NETO2: variants seen among roughly 807,000 people sequenced by gnomAD.
NETO2 encodes the protein neuropilin and tolloid-like protein 2.
In NETO2, 28 loss-of-function variants were observed where a neutral mutation model predicts 62.5. The observed-to-expected ratio is 0.45, with a 90% CI of 0.33 to 0.61. The LOEUF is 0.61. Among genes scored for constraint, NETO2 ranks in the 20% least tolerant of loss-of-function variants. The pLI, the probability that NETO2 is intolerant of heterozygous loss-of-function variation, is 0.02. For missense variants in NETO2, 548 were observed against 643.2 expected (o/e 0.85, Z 1.60); for synonymous variants, 214 against 219.1 (o/e 0.98, Z 0.21).
chr16:47,117,495 C>T (rs1198981855), intron 6 of NETO2, among the ~76,000 whole-genome samples: 3 of 152,072 alleles, frequency 2.0e-5, no homozygotes, highest in Non-Finnish European at 4.4e-5. Context: ...ATAACACAAA[C>T]GTTAGGCCCT....
chr16:47,087,094 T>A (rs1596699371), intron 7 of NETO2, among the ~76,000 whole-genome samples: 1 of 151,744 alleles, frequency 6.6e-6, no homozygotes, highest in Admixed American at 6.6e-5. Context: ...AGTGGCATGA[T>A]CTTGGCTCAC....
chr16:47,134,784 C>T (rs1964335981), intron 1 of NETO2, among the ~76,000 whole-genome samples: 1 of 152,190 alleles, frequency 6.6e-6, no homozygotes, highest in South Asian at 2.1e-4. Flanking sequence ...AGCACAATTA[C>T]GGTATACAAT....
At chr16:47,100,827 A>G (rs1050431083) in intron 7 of NETO2, among the ~76,000 whole-genome samples, 2 of 152,198 alleles carry the variant, frequency 1.3e-5, no homozygotes, top group African/African-American at 4.8e-5. Flanking sequence ...TACCAACCAA[A>G]AAAAGCCCAG....
intron 7 of NETO2, among the ~76,000 whole-genome samples, chr16:47,094,716 G>A (rs1204732334): frequency 4.8e-5 from 7 of 146,500 alleles, no homozygotes; most frequent in South Asian, 2.2e-4. Context: ...ATGAGCCACC[G>A]CGCCTGGCCA....
chr16:47,119,230 C>T (rs1963988362), intron 6 of NETO2, among the ~76,000 whole-genome samples: 1 of 151,294 alleles, frequency 6.6e-6, no homozygotes, highest in African/African-American at 2.4e-5. Context: ...CAGCTCACTG[C>T]AAGCTCCGCC....
chr16:47,129,490 G>T, intron 2 of NETO2, 126 bp from the exon 3 acceptor site: 1 of 923,576 alleles, frequency 1.1e-6, no homozygotes, highest in Non-Finnish European at 1.6e-6. Flanking sequence ...AAGAACCACT[G>T]TCAAATTTAG....
rs1963037199 is a variant in NETO2, at chr16:47,080,079, A to AAC, written c.*3141_*3142insGT. 1 of 152,218 alleles carries AAC rather than the reference A, an allele frequency of 6.6e-6. No homozygotes were observed. Among genetic ancestry groups the AAC allele is most frequent in the Non-Finnish European group, 1.5e-5 (1 of 68,034 alleles). The allele number at this position is 152,218 out of a possible 1,614,324, so 9.4% of individuals were successfully genotyped here. A position where few individuals can be genotyped will look rare whatever the true frequency, so the allele number is the denominator to read the frequency against. On this transcript the variant is annotated 3_prime_UTR_variant, in exon 9 of 9. Transcript: ENST00000562435. ...CGCTGTCGGGTTAAAGGAGTCTTTGAAATCTCTTTTGTGATGTGAAATGTG... is the reference window on the plus strand; with the variant it reads ...CGCTGTCGGGTTAAAGGAGTCTTTGAACAATCTCTTTTGTGATGTGAAATGTG...
In NETO2 at chr16:47,122,684, C is replaced by G; in HGVS notation, c.627G>C (p.Trp209Cys). 1 of 1,614,006 alleles carries G rather than the reference C, an allele frequency of 6.2e-7. No individual in the cohort carries two copies. Among genetic ancestry groups the G allele is most frequent in the Non-Finnish European group, 8.5e-7 (1 of 1,179,994 alleles). ...TKPGQAVDCIWTIKATPKAKI... is the reference protein window; with the variant it reads ...TKPGQAVDCICTIKATPKAKI... Reference sequence around the variant, plus strand: ...TAGCTTTTGGAGTGGCTTTAATGGTCCAGATGCAATCAACGGCTTGGCCTG... The same window carrying G: ...TAGCTTTTGGAGTGGCTTTAATGGTGCAGATGCAATCAACGGCTTGGCCTG... Residue 209 changes from tryptophan (W) to cysteine (C), a missense_variant, in exon 6 of 9, where the codon TGG becomes TGC. Trp to Cys is a radical substitution (Grantham distance 215). Transcript: ENST00000562435.
chr16:47,109,754 T>G lies in NETO2; in HGVS notation c.655-43A>C, dbSNP rs765943745. 12 of 1,374,190 alleles carry G rather than the reference T, an allele frequency of 8.7e-6. No homozygotes were observed. In the African/African-American group the frequency reaches 1.7e-4, roughly 20 times the overall value. The allele number at this position is 1,374,190 out of a possible 1,614,324, so 85.1% of individuals were successfully genotyped here. A position where few individuals can be genotyped will look rare whatever the true frequency, so the allele number is the denominator to read the frequency against. On this transcript the variant is annotated intron_variant, in intron 6 of 8. Coordinates refer to ENST00000562435, the MANE Select transcript of NETO2 (RefSeq NM_018092.5). Reference sequence around the variant, plus strand: ...AAACACTGCTTTTAAAAAGATATATTAATTTGAATTTTTCTATTTCTATTT... The same window carrying G: ...AAACACTGCTTTTAAAAAGATATATGAATTTGAATTTTTCTATTTCTATTT...
At chr16:47,095,729 T>C (rs139459268) in intron 7 of NETO2, among the ~76,000 whole-genome samples, 6 of 152,148 alleles carry the variant, frequency 3.9e-5, no homozygotes, top group South Asian at 2.1e-4. Flanking sequence ...GACTTCAACA[T>C]TGCACTTTCA....
intron 7 of NETO2, among the ~76,000 whole-genome samples, chr16:47,090,291 T>C (rs1963285587): frequency 6.6e-6 from 1 of 152,212 alleles, no homozygotes; most frequent in Non-Finnish European, 1.5e-5. Context: ...ATTGTCAGCT[T>C]TTGTTTCATA....
chr16:47,117,144 T>G (rs147873703), intron 6 of NETO2, among the ~76,000 whole-genome samples: 125 of 152,306 alleles, frequency 8.2e-4, no homozygotes, highest in African/African-American at 2.9e-3. Flanking sequence ...AAAGAAGTCT[T>G]GCATCACAGT....
intron 1 of NETO2, 81 bp from the exon 2 acceptor site, chr16:47,132,106 C>T: frequency 9.5e-7 from 1 of 1,055,278 alleles, no homozygotes; most frequent in Non-Finnish European, 1.4e-6. Flanking sequence ...AATTGGATGA[C>T]AAAAAAAGAT....
intron 6 of NETO2, among the ~76,000 whole-genome samples, chr16:47,110,813 A>T (rs1173180484): frequency 1.3e-5 from 2 of 150,032 alleles, no homozygotes; most frequent in Non-Finnish European, 3.0e-5. Context: ...TTCCCCCCCC[A>T]CCCCACCAAA....
At chr16:47,133,494 G>A (rs548950433) in intron 1 of NETO2, among the ~76,000 whole-genome samples, 4 of 152,116 alleles carry the variant, frequency 2.6e-5, no homozygotes, top group African/African-American at 7.2e-5. Flanking sequence ...GGAGTTAAGA[G>A]GCTGCAGTGA....
chr16:47,143,618 C>G lies in NETO2; in HGVS notation c.-6G>C. 8.2e-7 allele frequency: 1 copy of G among 1,221,970 alleles called. No homozygotes were observed. Among genetic ancestry groups the G allele is most frequent in the Admixed American group, 4.3e-5 (1 of 23,110 alleles). The allele number at this position is 1,221,970 out of a possible 1,614,324, so 75.7% of individuals were successfully genotyped here. On this transcript the variant is annotated 5_prime_UTR_variant, in exon 1 of 9. Transcript: ENST00000562435. ...CAGAGCCGCTCCAGGGCCATGTTCC[C>G]GAGCTGCCCGGCGCTTCGCGAAGGG...
chr16:47,108,049 T>C (rs1963710483), intron 7 of NETO2, among the ~76,000 whole-genome samples: 1 of 152,164 alleles, frequency 6.6e-6, no homozygotes, highest in African/African-American at 2.4e-5. Flanking sequence ...GTGCTGGGAT[T>C]ACAGGCATGA....
At chr16:47,135,519 C>G (rs1409004959) in intron 1 of NETO2, among the ~76,000 whole-genome samples, 2 of 152,160 alleles carry the variant, frequency 1.3e-5, no homozygotes, top group Admixed American at 1.3e-4. Context: ...TATGATGTTA[C>G]TCCTGGTTCT....
chr16:47,086,308 A>G lies in NETO2; in HGVS notation c.915T>C (p.His305=). ...AAGAATTATTGATGCACATGTTGCT[A>G]TGGCAAAAGAAAGTGCTGCTTGTGC... is the stretch of plus-strand genomic sequence containing the variant. ...PPCTSSTFFC[H]SNMCINNSLV... Residue 305 remains histidine, a synonymous_variant, in exon 8 of 9, where the codon CAT becomes CAC. Transcript: ENST00000562435. The G allele has an allele frequency of 6.2e-7, 1 of 1,614,018 alleles. No individual in the cohort carries two copies. Among genetic ancestry groups the G allele is most frequent in the Non-Finnish European group, 8.5e-7 (1 of 1,179,926 alleles).
Sources: gnomAD v4.1 joint callset for allele counts (sites outside exome capture counted in the v4.1 genomes callset) on GRCh38, gnomAD v4.1.1 for gene constraint, MANE v1.5 for transcripts, NCBI Gene and HGNC (gene_info 2026-07-23, HGNC 2026-07-21) for gene names.